Variants in CDC16 observed in about 807,000 individuals in gnomAD.
CDC16 encodes the protein cell division cycle 16.
CDC16 carries 34 observed loss-of-function variants against 87.0 expected under a neutral mutation model. The observed-to-expected ratio is 0.39, with a 90% confidence interval of 0.30 to 0.52. The LOEUF (loss-of-function observed/expected upper bound fraction) is 0.52. Among genes scored for constraint, CDC16 ranks in the 20% least tolerant of loss-of-function variants. The pLI, the probability that CDC16 is intolerant of heterozygous loss-of-function variation, is 0.74. For missense variants in CDC16, 653 were observed against 751.9 expected (o/e 0.87, Z 1.54); for synonymous variants, 263 against 260.6 (o/e 1.01, Z -0.09).
intron 12 of CDC16, among the ~76,000 whole-genome samples, chr13:114,254,922 T>C (rs1369702380): frequency 1.3e-5 from 2 of 152,248 alleles, no homozygotes; most frequent in Non-Finnish European, 2.9e-5. Context: ...TGAAGCCTGC[T>C]ACCTGGAGGC....
chr13:114,244,033 T>A (rs773362419), intron 8 of CDC16, 44 bp downstream of exon 8: 1 of 1,440,004 alleles, frequency 6.9e-7, no homozygotes, highest in South Asian at 1.2e-5. Context: ...TGGAGTTCAC[T>A]CCATCTTACC....
chr13:114,253,927 T>TTC (rs1348957687), intron 12 of CDC16, among the ~76,000 whole-genome samples: 1 of 152,212 alleles, frequency 6.6e-6, no homozygotes, highest in African/African-American at 2.4e-5. Context: ...AATTGTGTAT[T>TTC]TCTCCCTCCA....
chr13:114,247,861 A>G (rs1306369289), intron 11 of CDC16, among the ~76,000 whole-genome samples: 1 of 152,150 alleles, frequency 6.6e-6, no homozygotes, highest in Non-Finnish European at 1.5e-5. Context: ...GGGTGACAAG[A>G]GCAAAACTCT....
At position 114,265,204 on chromosome 13, in the gene CDC16, A is replaced by G; in HGVS notation, c.1567A>G (p.Ile523Val). ...TFSVTMLGHCIEMYIGDSEAY... is the reference protein window; with the variant it reads ...TFSVTMLGHCVEMYIGDSEAY... ...TTCTGTTACAATGCTTGGTCATTGC[A>G]TCGAAATGTACATTGGTGATTCTGA... The change falls in exon 17 of 18, where the codon ATC (isoleucine) becomes GTC (valine). Residue 523 changes from isoleucine (I) to valine (V), a missense_variant. Physicochemically the swap from Ile to Val is conservative, Grantham distance 29. Coordinates refer to ENST00000356221, the MANE Select transcript of CDC16 (RefSeq NM_001078645.3). The G allele has an allele frequency of 6.2e-7, 1 of 1,611,390 alleles. No homozygotes were observed. The highest frequency in any genetic ancestry group is 8.5e-7 in the Non-Finnish European group (1 of 1,177,524).
At chr13:114,241,082 A>G (rs1053297591) in intron 5 of CDC16, among the ~76,000 whole-genome samples, 1 of 152,102 alleles carries the variant, frequency 6.6e-6, no homozygotes, top group South Asian at 2.1e-4. Flanking sequence ...AAATTCAGTT[A>G]TGTGTTCGAG....
At chr13:114,237,216 C>G (rs1018528695) in intron 3 of CDC16, among the ~76,000 whole-genome samples, 1 of 150,042 alleles carries the variant, frequency 6.7e-6, no homozygotes, top group African/African-American at 2.5e-5. Flanking sequence ...GAGCAAGACT[C>G]TGTCTCAAAA....
intron 9 of CDC16, among the ~76,000 whole-genome samples, chr13:114,245,462 C>T (rs1407552828): frequency 6.6e-6 from 1 of 152,122 alleles, no homozygotes; most frequent in African/African-American, 2.4e-5. Flanking sequence ...GGAAGGAAAA[C>T]CCTCACCGAA....
rs1170080317 is a variant in CDC16, at chr13:114,265,260, T to TA, written c.1603+21dup. On this transcript the variant is annotated intron_variant, in intron 17 of 17. Coordinates refer to ENST00000356221, the MANE Select transcript of CDC16 (RefSeq NM_001078645.3). ...ATATTGGTAAGATAATCGTTATTCT[T>TA]ATTGGTATTGTACTCCATTTTTTAG... 2.1e-6 allele frequency: 3 copies of TA among 1,457,506 alleles called. No individual in the cohort carries two copies. The African/African-American group carries it at 4.2e-5, about 20-fold the overall frequency. The allele number at this position is 1,457,506 out of a possible 1,614,324, so 90.3% of individuals were successfully genotyped here.
At chr13:114,254,768 C>T (rs890519209) in intron 12 of CDC16, among the ~76,000 whole-genome samples, 1 of 152,186 alleles carries the variant, frequency 6.6e-6, no homozygotes, top group Non-Finnish European at 1.5e-5. Flanking sequence ...CTCCTCTAGG[C>T]CAGGGCCGTC....
At chr13:114,249,690 C>T (rs1566654865) in intron 11 of CDC16, among the ~76,000 whole-genome samples, 1 of 152,098 alleles carries the variant, frequency 6.6e-6, no homozygotes, top group Non-Finnish European at 1.5e-5. Flanking sequence ...TAGGATATCG[C>T]CTAATCCCTC....
chr13:114,257,297 G>T, intron 13 of CDC16, 67 bp downstream of exon 13: 12 of 1,014,078 alleles, frequency 1.2e-5, no homozygotes, highest in East Asian at 3.0e-5. Flanking sequence ...GTGATCACTA[G>T]AGTTCACTGA....
At chr13:114,235,290 C>G (rs777324197) in intron 1 of CDC16, among the ~76,000 whole-genome samples, 158 bp downstream of exon 1, 8 of 152,092 alleles carry the variant, frequency 5.3e-5, no homozygotes, top group Non-Finnish European at 1.2e-4. Context: ...TCCGCCTCGC[C>G]CAGAAGGGAG....
At chr13:114,236,164 CTTAG>C (rs1228145217) in intron 1 of CDC16, among the ~76,000 whole-genome samples, 1 of 152,152 alleles carries the variant, frequency 6.6e-6, no homozygotes, top group African/African-American at 2.4e-5. Flanking sequence ...TTCAGTGAAG[CTTAG>C]TTAATTTATG....
At chr13:114,245,044 T>C in intron 9 of CDC16, 75 bp downstream of exon 9, 1 of 866,492 alleles carries the variant, frequency 1.2e-6, no homozygotes, top group Admixed American at 2.3e-5. Flanking sequence ...ATTTTGTCTC[T>C]GAAATTCTGG....
intron 17 of CDC16, among the ~76,000 whole-genome samples, chr13:114,269,952 C>T (rs139176560): frequency 0.024 from 3,723 of 152,268 alleles, 157 homozygotes; most frequent in African/African-American, 0.085. Context: ...GTGATCCGCC[C>T]GCCTCAGTCT....
intron 7 of CDC16, 115 bp from the exon 8 acceptor site, chr13:114,243,741 G>C: frequency 1.3e-6 from 1 of 743,538 alleles, no homozygotes; most frequent in Non-Finnish European, 2.2e-6. Flanking sequence ...GTTTTCAGAG[G>C]CTCTCACATT....
intron 17 of CDC16, among the ~76,000 whole-genome samples, chr13:114,266,490 A>T (rs1234094468): frequency 2.0e-5 from 3 of 152,108 alleles, no homozygotes; most frequent in East Asian, 1.9e-4. Flanking sequence ...TCCACAGCTC[A>T]CTCTCTTAAC....
In CDC16 at chr13:114,247,880, A is replaced by AT. The variant is rs1266896641; in HGVS notation, c.971+876_971+877insT. Among the ~76,000 whole-genome samples, 1,478 of 152,336 alleles carry AT rather than the reference A, an allele frequency of 9.7e-3. 22 individuals are homozygous for AT. Among genetic ancestry groups the AT allele is most frequent in the African/African-American group, 0.034 (1,406 of 41,570 alleles). On this transcript the variant is annotated intron_variant, in intron 11 of 17. Coordinates refer to ENST00000356221, the MANE Select transcript of CDC16 (RefSeq NM_001078645.3). ...GACAAGAGCAAAACTCTGTCTCAAA[A>AT]AAATAATAATAATAATTAATAAATG...
In CDC16 at chr13:114,234,914, T is replaced by G. The variant is rs546849488; in HGVS notation, c.-171T>G. 18 of 311,194 alleles carry G rather than the reference T, an allele frequency of 5.8e-5. No homozygotes were observed. The highest frequency in any genetic ancestry group is 2.0e-4 in the African/African-American group (5 of 24,750). 19.3% of individuals were successfully genotyped at this position (311,194 alleles called of 1,614,324 possible). On this transcript the variant is annotated 5_prime_UTR_variant, in exon 1 of 18. Coordinates refer to ENST00000356221, the MANE Select transcript of CDC16 (RefSeq NM_001078645.3). Reference sequence around the variant, plus strand: ...GCCTGGGCAGTGCACGGGGCCTGGGTGGGGGGTGCGGGTGTGGGTGGGGAC... The same window carrying G: ...GCCTGGGCAGTGCACGGGGCCTGGGGGGGGGGTGCGGGTGTGGGTGGGGAC...
Sources: gnomAD v4.1 joint callset for allele counts (sites outside exome capture counted in the v4.1 genomes callset) on GRCh38, gnomAD v4.1.1 for gene constraint, MANE v1.5 for transcripts, NCBI Gene and HGNC (gene_info 2026-07-23, HGNC 2026-07-21) for gene names.